Variants in NLGN1 observed in about 807,000 individuals in gnomAD.
NLGN1 encodes the protein neuroligin-1.
In NLGN1, 12 loss-of-function variants were observed where a neutral mutation model predicts 65.5. The observed-to-expected ratio is 0.18, with a 90% CI of 0.12 to 0.30. NLGN1 has a LOEUF of 0.30. NLGN1 is among the 10% of genes least tolerant of loss of function. NLGN1 has a pLI of 1.00. For synonymous variants in NLGN1, 350 were observed against 359.5 expected (o/e 0.97, Z 0.30); for missense variants, 750 against 1,007.1 (o/e 0.74, Z 3.46).
intron 2 of NLGN1, among the ~76,000 whole-genome samples, chr3:173,565,648 C>G (rs1443627461): frequency 1.3e-5 from 2 of 152,122 alleles, no homozygotes; most frequent in Admixed American, 6.5e-5. Context: ...GTAACTCTCA[C>G]CACAGAGAAA....
At chr3:173,661,704 A>C (rs954801782) in intron 3 of NLGN1, among the ~76,000 whole-genome samples, 1 of 152,068 alleles carries the variant, frequency 6.6e-6, no homozygotes, top group Non-Finnish European at 1.5e-5. Context: ...CTCTTAATAA[A>C]GTTACAATTC....
At chr3:174,019,663 A>G (rs2152456155) in intron 4 of NLGN1, among the ~76,000 whole-genome samples, 1 of 152,232 alleles carries the variant, frequency 6.6e-6, no homozygotes, top group Middle Eastern at 3.4e-3. Context: ...TGCATGGTAT[A>G]TTGTCAGTAA....
intron 3 of NLGN1, among the ~76,000 whole-genome samples, chr3:173,783,667 T>A (rs1781522989): frequency 6.6e-6 from 1 of 152,216 alleles, no homozygotes; most frequent in Non-Finnish European, 1.5e-5. Flanking sequence ...TAGGCTGGAG[T>A]GCAGTGGCAC....
chr3:173,873,939 T>A (rs1234399600), intron 4 of NLGN1, among the ~76,000 whole-genome samples: 1 of 152,162 alleles, frequency 6.6e-6, no homozygotes, highest in Non-Finnish European at 1.5e-5. Context: ...CCCATATGAC[T>A]GGTGCCATTA....
At position 173,571,734 on chromosome 3, in the gene NLGN1, G is replaced by A. The variant is rs578153670; in HGVS notation, c.-320-32545G>A. Among the ~76,000 whole-genome samples the A allele has an allele frequency of 2.0e-5, 3 of 152,270 alleles. No homozygotes were observed. In the East Asian group the frequency reaches 5.8e-4, roughly 29 times the overall value. On this transcript the variant is annotated intron_variant, in intron 2 of 6. Coordinates refer to ENST00000457714, the Ensembl canonical transcript of NLGN1. ...ATAGTAGTTTCATAACAAAGCTCAG[G>A]CGAAGTAGGTTTAGATGTTTGTTTT...
chr3:173,881,923 G>C (rs542018484), intron 4 of NLGN1, among the ~76,000 whole-genome samples: 1 of 152,004 alleles, frequency 6.6e-6, no homozygotes, highest in Admixed American at 6.6e-5. Context: ...GCCCAGATTC[G>C]TCAGAAGAAT....
chr3:174,136,542 G>A (rs1009735151), intron 4 of NLGN1: 5 of 152,082 alleles, frequency 3.3e-5, no homozygotes, highest in Non-Finnish European at 7.4e-5. Context: ...CAGACCACCT[G>A]ATTACCAAGA....
intron 1 of NLGN1, among the ~76,000 whole-genome samples, chr3:173,431,914 C>T (rs1457465884): frequency 6.6e-6 from 1 of 152,158 alleles, no homozygotes; most frequent in Non-Finnish European, 1.5e-5. Context: ...CCCTGGAAAC[C>T]ACCAAACTTC....
chr3:173,628,887 T>A (rs754824565), intron 3 of NLGN1, among the ~76,000 whole-genome samples: 7 of 151,856 alleles, frequency 4.6e-5, no homozygotes, highest in Non-Finnish European at 7.4e-5. Flanking sequence ...AGAGACAGGG[T>A]TTCACCATGT....
intron 4 of NLGN1, among the ~76,000 whole-genome samples, chr3:174,032,044 A>G (rs1730138100): frequency 6.6e-6 from 1 of 152,156 alleles, no homozygotes. Flanking sequence ...GAAACAAATG[A>G]TTTCCAAAGA....
At chr3:174,185,926 CAA>C (rs1237014635) in intron 4 of NLGN1, among the ~76,000 whole-genome samples, 1 of 152,012 alleles carries the variant, frequency 6.6e-6, no homozygotes, top group African/African-American at 2.4e-5. Context: ...TCTAAGTCTT[CAA>C]ACACTAGACT....
chr3:173,649,658 A>G (rs1329188357), intron 3 of NLGN1, among the ~76,000 whole-genome samples: 3 of 152,098 alleles, frequency 2.0e-5, no homozygotes, highest in Non-Finnish European at 4.4e-5. Context: ...GTTCTATCTC[A>G]CAACACACAG....
intron 4 of NLGN1, among the ~76,000 whole-genome samples, chr3:174,017,835 G>A (rs905228647): frequency 2.6e-5 from 4 of 152,110 alleles, no homozygotes; most frequent in South Asian, 2.1e-4. Flanking sequence ...GTACTGGGGC[G>A]AAATTAAAAT....
chr3:173,768,958 C>A (rs532005023), intron 3 of NLGN1, among the ~76,000 whole-genome samples: 13 of 152,088 alleles, frequency 8.5e-5, no homozygotes, highest in Admixed American at 5.2e-4. Context: ...TTTATAGAGG[C>A]AGGGTTTCGC....
At chr3:173,518,005 A>C (rs1428189666) in intron 2 of NLGN1, among the ~76,000 whole-genome samples, 3 of 152,186 alleles carry the variant, frequency 2.0e-5, no homozygotes, top group Non-Finnish European at 2.9e-5. Context: ...ACACATGAGA[A>C]AAGCCTTTAA....
intron 3 of NLGN1, 115 bp from the exon 4 acceptor site, chr3:173,807,564 GT>G: frequency 8.4e-7 from 1 of 1,188,184 alleles, no homozygotes; most frequent in Non-Finnish European, 1.2e-6. Context: ...AAAAACAGCA[GT>G]TTAAGAACTA....
At chr3:173,671,885 G>C (rs1328345264) in intron 3 of NLGN1, among the ~76,000 whole-genome samples, 1 of 152,150 alleles carries the variant, frequency 6.6e-6, no homozygotes, top group Non-Finnish European at 1.5e-5. Context: ...AATAAGAAAG[G>C]AATAGTTGGC....
intron 4 of NLGN1, among the ~76,000 whole-genome samples, chr3:173,930,986 T>A (rs1393733128): frequency 1.3e-5 from 2 of 152,216 alleles, no homozygotes; most frequent in Non-Finnish European, 2.9e-5. Flanking sequence ...TGTGTATATT[T>A]AGAAGTATTT....
chr3:173,719,496 A>G (rs542105915), intron 3 of NLGN1, among the ~76,000 whole-genome samples: 3 of 152,276 alleles, frequency 2.0e-5, no homozygotes, highest in East Asian at 1.9e-4. Context: ...TTAATGGCTT[A>G]TAGTGTAACT....
Sources: allele counts gnomAD v4.1 joint callset (sites outside exome capture counted in the v4.1 genomes callset), GRCh38; gene constraint gnomAD v4.1.1; transcripts MANE v1.5; gene names NCBI Gene and HGNC (gene_info 2026-07-23, HGNC 2026-07-21).